Variants in MED23 observed in about 807,000 individuals in gnomAD.
MED23 encodes the protein mediator of RNA polymerase II transcription subunit 23.
MED23 carries 105 observed loss-of-function variants against 163.9 expected under a neutral mutation model. That is an observed-to-expected ratio of 0.64 (90% CI 0.55 to 0.75). The LOEUF is 0.75. Ranked by LOEUF, MED23 falls within the 30% of genes least tolerant of loss-of-function variation. MED23 has a pLI of 0.00. For synonymous variants in MED23, 561 were observed against 565.6 expected (o/e 0.99, Z 0.12); for missense variants, 1,054 against 1,649.0 (o/e 0.64, Z 6.25).
chr6:131,610,667 G>A (rs1379417332), intron 10 of MED23, among the ~76,000 whole-genome samples: 1 of 152,166 alleles, frequency 6.6e-6, no homozygotes, highest in Non-Finnish European at 1.5e-5. Context: ...CAAACATTGT[G>A]ACAGAACAAA....
intron 4 of MED23, 23 bp from the exon 5 acceptor site, chr6:131,623,485 T>C: frequency 6.3e-7 from 1 of 1,595,568 alleles, no homozygotes; most frequent in Non-Finnish European, 8.6e-7. Context: ...AAATAGCCAT[T>C]CCAGTTACAA....
intron 27 of MED23, among the ~76,000 whole-genome samples, 172 bp downstream of exon 27, chr6:131,590,150 C>T (rs541846906): frequency 6.6e-6 from 1 of 152,276 alleles, no homozygotes; most frequent in African/African-American, 2.4e-5. Context: ...CAATACATCC[C>T]ACCCTAAATT....
At chr6:131,604,985 GA>G (rs1185716340) in intron 14 of MED23, among the ~76,000 whole-genome samples, 1 of 151,576 alleles carries the variant, frequency 6.6e-6, no homozygotes, top group Non-Finnish European at 1.5e-5. Context: ...TATAAAAAAT[GA>G]AAAAAAATGT....
chr6:131,594,766 G>C (rs1258019196), intron 22 of MED23, among the ~76,000 whole-genome samples: 1 of 152,004 alleles, frequency 6.6e-6, no homozygotes, highest in Non-Finnish European at 1.5e-5. Context: ...CCTAATACAT[G>C]ATAAAGTTGA....
At chr6:131,590,705 T>C (rs1044191732) in intron 26 of MED23, among the ~76,000 whole-genome samples, 1 of 152,150 alleles carries the variant, frequency 6.6e-6, no homozygotes, top group East Asian at 1.9e-4. Context: ...CTTGGCTCAC[T>C]GCAACCTCCG....
chr6:131,625,434 C>A lies in MED23; in HGVS notation c.160-445G>T, dbSNP rs74501100. On this transcript the variant is annotated intron_variant, in intron 3 of 28. Coordinates refer to ENST00000368068, the MANE Select transcript of MED23 (RefSeq NM_004830.4). ...CAATCCCTAAGATCCCAAACAAGAG[C>A]CCATTATGAATCCAATGACATGTCA... Among the ~76,000 whole-genome samples, 1,177 of 152,168 alleles carry A rather than the reference C, an allele frequency of 7.7e-3. 15 individuals carry two copies. Among genetic ancestry groups the A allele is most frequent in the African/African-American group, 0.026 (1,082 of 41,514 alleles).
chr6:131,594,828 AC>A (rs1299367664), intron 22 of MED23, among the ~76,000 whole-genome samples: 2,717 of 152,116 alleles, frequency 0.018, 77 homozygotes, highest in African/African-American at 0.061. Flanking sequence ...AAACAAACAA[AC>A]AAACAAACAA....
intron 22 of MED23, among the ~76,000 whole-genome samples, chr6:131,594,627 G>C (rs920797944): frequency 9.9e-5 from 15 of 152,222 alleles, no homozygotes; most frequent in African/African-American, 2.9e-4. Context: ...TACAACAAGG[G>C]ATGTCATTGC....
rs1169271455 is a variant in MED23 at position 131,577,050 on chromosome 6, C to CAGCAGGAAGTATGCTACT, written c.4096-2773_4096-2756dup. ...GGAACAGCAAATGGAAGGCAAGGTG[C>CAGCAGGAAGTATGCTACT]AGCAGGAAGTATGCTACTAGCAAGA... is the stretch of plus-strand genomic sequence containing the variant. On this transcript the variant is annotated intron_variant, in intron 30 of 30. Transcript: ENST00000354577. 3.1e-4 allele frequency among the ~76,000 whole-genome samples: 47 copies of CAGCAGGAAGTATGCTACT among 152,128 alleles called. 2 individuals are homozygous for CAGCAGGAAGTATGCTACT. The highest frequency in any genetic ancestry group is 3.1e-3 in the Admixed American group (47 of 15,280).
intron 6 of MED23, among the ~76,000 whole-genome samples, chr6:131,621,085 C>T (rs1391230759): frequency 5.3e-5 from 8 of 152,058 alleles, no homozygotes; most frequent in Non-Finnish European, 7.4e-5. Flanking sequence ...TACAGACATG[C>T]GCCACTGCAT....
chr6:131,619,326 A>G (rs919407046), intron 8 of MED23, among the ~76,000 whole-genome samples: 2 of 152,220 alleles, frequency 1.3e-5, no homozygotes, highest in Non-Finnish European at 2.9e-5. Flanking sequence ...TGATTTCTAG[A>G]AATAATTAAA....
At chr6:131,622,066 C>A in intron 5 of MED23, 87 bp from the exon 6 acceptor site, 1 of 881,088 alleles carries the variant, frequency 1.1e-6, no homozygotes, top group South Asian at 1.4e-5. Flanking sequence ...GTGATATATT[C>A]CTTCAAGGTC....
exon 31 of MED23, chr6:131,574,080 G>A: frequency 1.6e-6 from 1 of 626,712 alleles, no homozygotes; most frequent in Non-Finnish European, 2.9e-6. Context: ...TTTCTGCCTG[G>A]GCACACTTAT....
At chr6:131,613,877 C>T (rs181682776) in intron 10 of MED23, among the ~76,000 whole-genome samples, 69 of 152,112 alleles carry the variant, frequency 4.5e-4, no homozygotes, top group Non-Finnish European at 9.0e-4. Flanking sequence ...AGAAGAGCTG[C>T]CCGCCCCCAA....
intron 27 of MED23, among the ~76,000 whole-genome samples, chr6:131,589,968 G>A (rs1050200865): frequency 6.6e-6 from 1 of 152,148 alleles, no homozygotes; most frequent in African/African-American, 2.4e-5. Flanking sequence ...CTTGCTTTAA[G>A]GTTCTACTCC....
Position 131,596,059 on chromosome 6 carries a change from A to T in MED23, c.2883T>A (p.Leu961=). The change falls in exon 22 of 29, where the codon CTT becomes CTA. Residue 961 remains leucine, a synonymous_variant. Coordinates refer to ENST00000368068, the MANE Select transcript of MED23 (RefSeq NM_004830.4). ...CTATATCAAATACTGGAAGGAATCGAAGACACACATTCCCAAAATAGATGG... is the reference window on the plus strand; with the variant it reads ...CTATATCAAATACTGGAAGGAATCGTAGACACACATTCCCAAAATAGATGG... The part of the protein sequence containing the change: ...YLPIYFGNVC[L]RFLPVFDIVI... 6.2e-7 allele frequency: 1 copy of T among 1,614,122 alleles called. No homozygotes were observed. Among genetic ancestry groups the T allele is most frequent in the Non-Finnish European group, 8.5e-7 (1 of 1,179,978 alleles).
chr6:131,625,946 C>A (rs1418766094), intron 3 of MED23, among the ~76,000 whole-genome samples: 3 of 151,404 alleles, frequency 2.0e-5, no homozygotes, highest in Admixed American at 6.6e-5. Flanking sequence ...CACGATGAAA[C>A]CCCGTCTCTA....
chr6:131,574,646 A>G (rs1469131924), intron 30 of MED23, among the ~76,000 whole-genome samples: 1 of 152,136 alleles, frequency 6.6e-6, no homozygotes, highest in Non-Finnish European at 1.5e-5. Flanking sequence ...GAGAGGATAA[A>G]ATGGCCAACA....
intron 3 of MED23, among the ~76,000 whole-genome samples, chr6:131,625,551 A>G (rs1777423726): frequency 6.6e-6 from 1 of 152,230 alleles, no homozygotes; most frequent in East Asian, 1.9e-4. Flanking sequence ...AAAAGAGCCT[A>G]TAATGTTCTG....
Sources: gnomAD v4.1 joint callset for allele counts (sites outside exome capture counted in the v4.1 genomes callset) on GRCh38, gnomAD v4.1.1 for gene constraint, MANE v1.5 for transcripts, NCBI Gene and HGNC (gene_info 2026-07-23, HGNC 2026-07-21) for gene names.